NDUFAF6: variants seen among roughly 807,000 people sequenced by gnomAD.
The protein encoded by NDUFAF6 is NADH:ubiquinone oxidoreductase complex assembly factor 6.
A neutral mutation model predicts 40.8 loss-of-function variants in NDUFAF6; 45 were observed. The observed-to-expected ratio is 1.10, with a 90% CI of 0.87 to 1.42. NDUFAF6 has a LOEUF of 1.42. Ranked by LOEUF, NDUFAF6 falls within the 40% of genes most tolerant of loss-of-function variation. The probability of loss-of-function intolerance (pLI) is 0.00; values close to 1 mark genes in which losing one functional copy is unlikely to be tolerated. For synonymous variants in NDUFAF6, 185 were observed against 155.9 expected, an observed-to-expected ratio of 1.19 and a Z score of -1.39; for missense variants, 435 against 418.5, an observed-to-expected ratio of 1.04 and a Z score of -0.34.
At chr8:94,951,337 C>T (rs537621828) in intron 2 of NDUFAF6, 2 of 152,344 alleles carry the variant, frequency 1.3e-5, no homozygotes, top group South Asian at 4.1e-4. Context: ...AAGCCATCCC[C>T]ACGGAGCACT....
intron 1 of NDUFAF6, 61 bp downstream of exon 1, chr8:95,025,266 G>C: frequency 7.5e-7 from 1 of 1,338,104 alleles, no homozygotes; most frequent in Non-Finnish European, 9.5e-7. Flanking sequence ...GGGAGCGGCT[G>C]CGCCTCGCGT....
At chr8:95,105,062 CACACAGAG>C (rs1425958062), downstream of NDUFAF6, among the ~76,000 whole-genome samples, 182 of 65,350 alleles carry the variant, frequency 2.8e-3, no homozygotes, top group Middle Eastern at 7.8e-3. Flanking sequence ...CACACACACA[CACACAGAG>C]AGAGAGAGAG....
chr8:95,007,913 G>A (rs1586955247), intron 2 of NDUFAF6, among the ~76,000 whole-genome samples: 1 of 151,722 alleles, frequency 6.6e-6, no homozygotes, highest in Non-Finnish European at 1.5e-5. Context: ...TTGTAGAGAC[G>A]GGGTCTCACT....
intron 1 of NDUFAF6, among the ~76,000 whole-genome samples, chr8:94,916,601 G>A (rs959582202): frequency 3.3e-5 from 5 of 150,770 alleles, no homozygotes; most frequent in Admixed American, 6.6e-5. Context: ...ATCACCTGAC[G>A]TCAGGAGTTC....
intron 4 of NDUFAF6, among the ~76,000 whole-genome samples, chr8:95,108,490 G>A (rs975967827): frequency 1.3e-5 from 2 of 152,230 alleles, no homozygotes; most frequent in South Asian, 4.1e-4. Flanking sequence ...ACCTATATGA[G>A]GTATGAAGAA....
chr8:94,926,828 C>T (rs1021479895), intron 1 of NDUFAF6: 1 of 152,160 alleles, frequency 6.6e-6, no homozygotes, highest in Non-Finnish European at 1.5e-5. Context: ...TGATACATGG[C>T]AAGGCTGACA....
chr8:94,954,373 A>G (rs1189106046), upstream of NDUFAF6, among the ~76,000 whole-genome samples: 1 of 152,178 alleles, frequency 6.6e-6, no homozygotes. Context: ...TTTAACAGTT[A>G]TTTAATGAGC....
At chr8:95,022,581 A>T (rs1167010903), upstream of NDUFAF6, among the ~76,000 whole-genome samples, 3 of 142,852 alleles carry the variant, frequency 2.1e-5, no homozygotes, top group Non-Finnish European at 4.6e-5. Context: ...CCTAATCTTT[A>T]CCCCTCCAAA....
At chr8:94,969,695 T>C (rs748789614) in intron 1 of NDUFAF6, among the ~76,000 whole-genome samples, 1 of 152,092 alleles carries the variant, frequency 6.6e-6, no homozygotes, top group Non-Finnish European at 1.5e-5. Context: ...CACTAAGTTA[T>C]GCAAAATTAG....
At chr8:95,089,458 G>GTA (rs34540757) in intron 2 of NDUFAF6, among the ~76,000 whole-genome samples, 68,680 of 125,526 alleles carry the variant, frequency 0.55, 15,872 homozygotes, top group East Asian at 0.77. Context: ...AGTGTAAACT[G>GTA]TGTGTATATA....
At position 95,052,157 on chromosome 8, in the gene NDUFAF6, C is replaced by G. The variant is rs759025614; in HGVS notation, c.817-17C>G. 1.2e-6 allele frequency: 2 copies of G among 1,613,952 alleles called. No homozygotes were observed. The highest frequency in any genetic ancestry group is 4.5e-5 in the East Asian group (2 of 44,872). ...TTGCTTAATTTTGAACGAGCTTCCT[C>G]TCCTCTTCCTTTTTAGGCTAGGTCC... On this transcript the variant is annotated splice_polypyrimidine_tract_variant and intron_variant, in intron 7 of 8. Coordinates refer to ENST00000396124, the MANE Select transcript of NDUFAF6 (RefSeq NM_152416.4).
chr8:94,968,480 T>C (rs6982393), intron 1 of NDUFAF6, among the ~76,000 whole-genome samples: 77,051 of 152,030 alleles, frequency 0.51, 19,937 homozygotes, highest in East Asian at 0.72. Context: ...TGGGCATCTG[T>C]GGAAGAGCAT....
intron 1 of NDUFAF6, chr8:94,926,902 G>A (rs1048339444): frequency 2.0e-5 from 3 of 152,214 alleles, no homozygotes; most frequent in African/African-American, 7.2e-5. Context: ...ATTAAAGTAA[G>A]TAGATAGGGA....
intron 4 of NDUFAF6, 112 bp downstream of exon 4, chr8:95,041,738 T>A: frequency 1.1e-6 from 1 of 897,182 alleles, no homozygotes; most frequent in Non-Finnish European, 1.9e-6. Flanking sequence ...GGAAGGAAAC[T>A]TTTAGAGAAT....
chr8:95,117,283 A>G (rs1810154576), downstream of NDUFAF6, among the ~76,000 whole-genome samples: 1 of 152,228 alleles, frequency 6.6e-6, no homozygotes, highest in African/African-American at 2.4e-5. Flanking sequence ...TATTGAGTGT[A>G]CTGGTAGAAA....
chr8:95,107,098 C>A (rs987483921), downstream of NDUFAF6, among the ~76,000 whole-genome samples: 2 of 152,124 alleles, frequency 1.3e-5, no homozygotes, highest in Non-Finnish European at 2.9e-5. Flanking sequence ...GATCTAGAAC[C>A]AGAAATACCA....
chr8:94,938,803 A>G (rs1205952669), intron 1 of NDUFAF6, among the ~76,000 whole-genome samples: 1 of 152,210 alleles, frequency 6.6e-6, no homozygotes, highest in Non-Finnish European at 1.5e-5. Flanking sequence ...CCCAAGTTCT[A>G]TAAGATGCTC....
At chr8:94,940,630 A>G (rs1183578860) in intron 1 of NDUFAF6, among the ~76,000 whole-genome samples, 1 of 152,198 alleles carries the variant, frequency 6.6e-6, no homozygotes, top group Non-Finnish European at 1.5e-5. Flanking sequence ...TGAGAGTTGC[A>G]AAACTAAAAA....
At chr8:94,916,942 G>A (rs1302247425) in intron 1 of NDUFAF6, among the ~76,000 whole-genome samples, 4 of 151,544 alleles carry the variant, frequency 2.6e-5, no homozygotes, top group East Asian at 3.9e-4. Context: ...GTGAAACCCC[G>A]TCTCTACTAA....
Sources: gnomAD v4.1 joint callset for allele counts (sites outside exome capture counted in the v4.1 genomes callset) on GRCh38, gnomAD v4.1.1 for gene constraint, MANE v1.5 for transcripts, NCBI Gene and HGNC (gene_info 2026-07-23, HGNC 2026-07-21) for gene names.